CNTNAP2: variants seen among roughly 807,000 people sequenced by gnomAD.
The protein encoded by CNTNAP2 is contactin associated protein 2, also known as contactin-associated protein-like 2.
In CNTNAP2, 98 loss-of-function variants were observed where a neutral mutation model predicts 155.2. That is an observed-to-expected ratio of 0.63 (90% CI 0.54 to 0.75). The LOEUF is 0.75. Among genes scored for constraint, CNTNAP2 ranks in the 30% least tolerant of loss-of-function variants. The pLI, the probability that CNTNAP2 is intolerant of heterozygous loss-of-function variation, is 0.00. For synonymous variants in CNTNAP2, 651 were observed against 631.2 expected, an observed-to-expected ratio of 1.03 and a Z score of -0.47; for missense variants, 1,727 against 1,688.1, an observed-to-expected ratio of 1.02 and a Z score of -0.40.
intron 1 of CNTNAP2, among the ~76,000 whole-genome samples, chr7:146,721,889 ATTTT>A (rs71527797): frequency 1.4e-5 from 1 of 69,702 alleles, no homozygotes; most frequent in African/African-American, 1.9e-4. Flanking sequence ...ATATATATAT[ATTTT>A]TTTTTTTTTT....
At chr7:148,060,223 A>G (rs1283805749) in intron 15 of CNTNAP2, among the ~76,000 whole-genome samples, 1 of 152,200 alleles carries the variant, frequency 6.6e-6, no homozygotes, top group Admixed American at 6.5e-5. Context: ...TTAAATAAAA[A>G]TGTTTTGAAC....
At chr7:147,674,036 G>T (rs1366677963) in intron 13 of CNTNAP2, among the ~76,000 whole-genome samples, 2 of 152,066 alleles carry the variant, frequency 1.3e-5, no homozygotes, top group African/African-American at 2.4e-5. Context: ...TTTGGGAGAG[G>T]TGTAATAAAC....
intron 1 of CNTNAP2, among the ~76,000 whole-genome samples, chr7:146,772,440 C>T (rs1186263785): frequency 6.7e-6 from 1 of 148,222 alleles, no homozygotes; most frequent in Admixed American, 6.8e-5. Flanking sequence ...GAGCAGATCA[C>T]GAGGTCAGGA....
intron 9 of CNTNAP2, among the ~76,000 whole-genome samples, chr7:147,347,220 C>T (rs1027831391): frequency 6.6e-6 from 1 of 151,634 alleles, no homozygotes; most frequent in Admixed American, 6.6e-5. Context: ...GTCATCTTCC[C>T]TTGATGGTGA....
chr7:147,695,081 T>TTATTTTTTCTAAATAACACA (rs1796142310), intron 13 of CNTNAP2, among the ~76,000 whole-genome samples: 3 of 152,208 alleles, frequency 2.0e-5, no homozygotes, highest in Non-Finnish European at 4.4e-5. Flanking sequence ...TTCTTGTAAT[T>TTATTTTTTCTAAATAACACA]TATTTTTTCT....
At chr7:146,132,661 C>T (rs940032836) in intron 1 of CNTNAP2, among the ~76,000 whole-genome samples, 47 of 150,076 alleles carry the variant, frequency 3.1e-4, no homozygotes, top group Admixed American at 8.0e-4. Context: ...TGAGAATATG[C>T]GGTGTTTGGT....
At chr7:146,179,642 G>A (rs970479757) in intron 1 of CNTNAP2, among the ~76,000 whole-genome samples, 3 of 152,142 alleles carry the variant, frequency 2.0e-5, no homozygotes, top group Non-Finnish European at 2.9e-5. Flanking sequence ...AGTAAGTGAA[G>A]TAAACAAGTC....
At chr7:147,774,363 G>T (rs1480462034) in intron 13 of CNTNAP2, among the ~76,000 whole-genome samples, 1 of 152,050 alleles carries the variant, frequency 6.6e-6, no homozygotes, top group Non-Finnish European at 1.5e-5. Flanking sequence ...TTGCTTTTTG[G>T]TTCACTACAT....
intron 21 of CNTNAP2, among the ~76,000 whole-genome samples, chr7:148,276,121 G>A (rs1796866837): frequency 6.6e-6 from 1 of 152,104 alleles, no homozygotes; most frequent in South Asian, 2.1e-4. Context: ...AGCTACTCCT[G>A]CCAGGACAAG....
intron 2 of CNTNAP2, among the ~76,000 whole-genome samples, chr7:146,783,287 C>T (rs1460922954): frequency 1.3e-5 from 2 of 152,022 alleles, no homozygotes; most frequent in Non-Finnish European, 2.9e-5. Flanking sequence ...CTTTGTTTTC[C>T]TTAGCCCAAT....
At position 148,372,213 on chromosome 7, in the gene CNTNAP2, TAAAAAA is replaced by T. The variant is rs940732357; in HGVS notation, c.3476-11435_3476-11430del. Among the ~76,000 whole-genome samples the T allele has an allele frequency of 3.2e-4, 48 of 151,456 alleles. 1 individual carries two copies. In the East Asian group the frequency reaches 3.5e-3, roughly 11 times the overall value. Reference sequence around the variant, plus strand: ...AAGACTCCGTCTCAAAAAAAATAAATAAAAAATAAAAGTAAAAATTGGTACCCCTAT... The same window carrying T: ...AAGACTCCGTCTCAAAAAAAATAAATTAAAAGTAAAAATTGGTACCCCTAT... On this transcript the variant is annotated intron_variant, in intron 21 of 23. Transcript: ENST00000361727.
At chr7:148,075,456 A>G (rs1001743073) in intron 15 of CNTNAP2, among the ~76,000 whole-genome samples, 1 of 152,028 alleles carries the variant, frequency 6.6e-6, no homozygotes, top group African/African-American at 2.4e-5. Context: ...AAAAATTAAT[A>G]ATGCTGCTTC....
rs10248273 is a variant in CNTNAP2 at position 148,266,891 on chromosome 7, G to C, written c.3382-142G>C. On this transcript the variant is annotated intron_variant, in intron 20 of 23. Transcript: ENST00000361727. Reference sequence around the variant, plus strand: ...AGACATGGGTTTCCATTTTCTCGGGGTGGTGTTTTAGAGTCAGTGCTGATG... The same window carrying C: ...AGACATGGGTTTCCATTTTCTCGGGCTGGTGTTTTAGAGTCAGTGCTGATG... 1 allele frequency: 774,643 copies of C among 777,650 alleles called. 385,877 individuals carry two copies. Among genetic ancestry groups the C allele is most frequent in the East Asian group, 1 (39,358 of 39,358 alleles). The allele number at this position is 777,650 out of a possible 1,614,324, so 48.2% of individuals were successfully genotyped here. A position where few individuals can be genotyped will look rare whatever the true frequency, so the allele number is the denominator to read the frequency against.
At chr7:147,684,047 T>A (rs548634439) in intron 13 of CNTNAP2, among the ~76,000 whole-genome samples, 12 of 151,960 alleles carry the variant, frequency 7.9e-5, no homozygotes, top group African/African-American at 2.6e-4. Context: ...TTTTACCCTG[T>A]CTGGTATACT....
intron 23 of CNTNAP2, 115 bp from the exon 24 acceptor site, chr7:148,415,302 G>GTTGTGT: frequency 9.5e-7 from 1 of 1,052,010 alleles, no homozygotes; most frequent in Non-Finnish European, 1.4e-6. Context: ...TGTTTTGGAG[G>GTTGTGT]TTGTGTTTTA....
intron 1 of CNTNAP2, among the ~76,000 whole-genome samples, chr7:146,119,892 ATATG>A (rs1458460627): frequency 6.6e-6 from 1 of 152,008 alleles, no homozygotes; most frequent in East Asian, 1.9e-4. Flanking sequence ...GTATAAATAT[ATATG>A]TATTTGTTCA....
intron 1 of CNTNAP2, among the ~76,000 whole-genome samples, chr7:146,728,776 G>T (rs1801476254): frequency 6.6e-6 from 1 of 152,148 alleles, no homozygotes. Flanking sequence ...AAAGGCTTAA[G>T]TTCAAATGTG....
intron 12 of CNTNAP2, among the ~76,000 whole-genome samples, chr7:147,623,388 G>A (rs1019823049): frequency 6.6e-6 from 1 of 151,918 alleles, no homozygotes; most frequent in Non-Finnish European, 1.5e-5. Flanking sequence ...TATTAGAACT[G>A]ATAAACAAAT....
At chr7:148,142,458 T>C (rs1435773016) in intron 16 of CNTNAP2, among the ~76,000 whole-genome samples, 2 of 152,142 alleles carry the variant, frequency 1.3e-5, no homozygotes, top group South Asian at 2.1e-4. Context: ...GGCTGAAATA[T>C]CTGTTCTACC....
Sources: gnomAD v4.1 joint callset for allele counts (sites outside exome capture counted in the v4.1 genomes callset) on GRCh38, gnomAD v4.1.1 for gene constraint, MANE v1.5 for transcripts, NCBI Gene and HGNC (gene_info 2026-07-23, HGNC 2026-07-21) for gene names.